Variants in GABRR1 observed in about 807,000 individuals in gnomAD.
GABRR1 encodes the protein gamma-aminobutyric acid receptor subunit rho-1.
In GABRR1, 59 loss-of-function variants were observed where a neutral mutation model predicts 55.5. The ratio of observed to expected loss-of-function variants is 1.06; its 90% CI spans 0.86 to 1.32. The LOEUF is 1.32. Ranked by LOEUF, GABRR1 falls within the 40% of genes most tolerant of loss-of-function variation. The probability of loss-of-function intolerance (pLI) is 0.00; values close to 1 mark genes in which losing one functional copy is unlikely to be tolerated. For synonymous variants in GABRR1, 213 were observed against 226.0 expected (o/e 0.94, Z 0.51); for missense variants, 602 against 619.1 (o/e 0.97, Z 0.29).
chr6:89,203,980 C>T (rs1008567815), intron 1 of GABRR1, among the ~76,000 whole-genome samples: 4 of 152,194 alleles, frequency 2.6e-5, no homozygotes, highest in Admixed American at 6.5e-5. Context: ...CATTCTCTCC[C>T]GGCTTTGATG....
intron 6 of GABRR1, among the ~76,000 whole-genome samples, chr6:89,188,866 C>A (rs1480416220): frequency 6.6e-6 from 1 of 152,024 alleles, no homozygotes. Flanking sequence ...GTGCAAGCTT[C>A]CTGAAATCCC....
At position 89,201,160 on chromosome 6, in the gene GABRR1, T is replaced by C. The variant is rs759517026; in HGVS notation, c.279A>G (p.Gly93=). The C allele has an allele frequency of 1.1e-5, 18 of 1,611,660 alleles. No individual in the cohort carries two copies. Among genetic ancestry groups the C allele is most frequent in the Non-Finnish European group, 1.5e-5 (18 of 1,177,908 alleles). ...ACCCTGAGAGCACACATCCCATACC[T>C]CCAAAGCCAGGCCTCATGCTGAAAT... The part of the protein sequence containing the change: ...DHDFSMRPGF[G]GPAIPVGVDV... Residue 93 remains glycine (G), a splice_region_variant and synonymous_variant, in exon 3 of 10, where the codon GGA becomes GGG. Transcript: ENST00000454853.
chr6:89,212,073 G>C lies in GABRR1; in HGVS notation c.122+5128C>G. On this transcript the variant is annotated intron_variant, in intron 1 of 9. Transcript: ENST00000454853. ...TCTGGGTATCTTGCAAGCACATCTA[G>C]GTCCATATGTTCATACCAAACTCAT... is the stretch of plus-strand genomic sequence containing the variant. 7 of 556,562 alleles carry C rather than the reference G, an allele frequency of 1.3e-5. 2 individuals are homozygous for C. Among genetic ancestry groups the C allele is most frequent in the Non-Finnish European group, 1.5e-5 (7 of 456,278 alleles). The allele number at this position is 556,562 out of a possible 1,614,324, so 34.5% of individuals were successfully genotyped here. A position where few individuals can be genotyped will look rare whatever the true frequency, so the allele number is the denominator to read the frequency against.
upstream of GABRR1, chr6:89,217,911 G>A (rs1773038173): frequency 6.6e-6 from 1 of 152,370 alleles, no homozygotes; most frequent in Non-Finnish European, 1.5e-5. Context: ...CTGGGGAAGA[G>A]GTTTTTTTGT....
At chr6:89,185,209 G>T (rs1771863407) in intron 7 of GABRR1, 101 bp downstream of exon 7, 2 of 1,442,948 alleles carry the variant, frequency 1.4e-6, no homozygotes, top group Non-Finnish European at 1.9e-6. Flanking sequence ...AAGTGACACT[G>T]CTCACCTGAC....
At chr6:89,218,306 A>G (rs1773054834), upstream of GABRR1, among the ~76,000 whole-genome samples, 1 of 152,220 alleles carries the variant, frequency 6.6e-6, no homozygotes, top group African/African-American at 2.4e-5. Context: ...CCCAAGATCC[A>G]ATAGAATGAG....
chr6:89,184,825 C>T (rs1771844401), intron 7 of GABRR1, among the ~76,000 whole-genome samples: 1 of 151,974 alleles, frequency 6.6e-6, no homozygotes, highest in African/African-American at 2.4e-5. Flanking sequence ...ATCACTTCCA[C>T]CCACTGCTTG....
Position 89,178,915 on chromosome 6 carries a change from T to G in GABRR1, c.1295A>C (p.Glu432Ala), listed in dbSNP as rs778199318. ...ACTTTTCCTCTGTGGGGAGCTCCTCTCTGAGGCCAGGGTCAGCTGCACCAT... is the reference window on the plus strand; with the variant it reads ...ACTTTTCCTCTGTGGGGAGCTCCTCGCTGAGGCCAGGGTCAGCTGCACCAT... ...RMMVQLTLAS[E>A]RSSPQRKSQR... The change falls in exon 10 of 10, where the codon GAG (glutamate) becomes GCG (alanine). Residue 432 changes from glutamate (E) to alanine (A), a missense_variant. By Grantham distance (107) the Glu-to-Ala change is moderately radical. Transcript: ENST00000454853. The G allele has an allele frequency of 1.2e-6, 2 of 1,614,114 alleles. No homozygotes were observed. Among genetic ancestry groups the G allele is most frequent in the East Asian group, 4.5e-5 (2 of 44,902 alleles).
At chr6:89,226,024 A>T (rs1044077495) in intron 1 of GABRR1, among the ~76,000 whole-genome samples, 5 of 151,666 alleles carry the variant, frequency 3.3e-5, no homozygotes, top group Non-Finnish European at 5.9e-5. Context: ...AGTGATGATG[A>T]GCATTTTTTC....
intron 5 of GABRR1, among the ~76,000 whole-genome samples, chr6:89,190,893 G>T (rs967461944): frequency 6.6e-6 from 1 of 152,168 alleles, no homozygotes; most frequent in Non-Finnish European, 1.5e-5. Flanking sequence ...TGGGAAAGAG[G>T]CTTCCGCATC....
intron 7 of GABRR1, among the ~76,000 whole-genome samples, chr6:89,184,461 A>G (rs1387965917): frequency 6.6e-6 from 1 of 152,154 alleles, no homozygotes; most frequent in African/African-American, 2.4e-5. Flanking sequence ...CCTTGGTTCA[A>G]AAAGGAACAA....
At position 89,190,994 on chromosome 6, in the gene GABRR1, G is replaced by A. The variant is rs962328485; in HGVS notation, c.573-747C>T. On this transcript the variant is annotated intron_variant, in intron 5 of 9. Coordinates refer to ENST00000454853, the MANE Select transcript of GABRR1 (RefSeq NM_002042.5). ...AGCAGGACACGATTAACATTTGTTC[G>A]CTCGTGCTGAATGGACTCCTTTTCC... Among the ~76,000 whole-genome samples the A allele has an allele frequency of 3.3e-5, 5 of 152,320 alleles. No individual in the cohort carries two copies. The East Asian group carries it at 7.7e-4, about 23-fold the overall frequency.
At position 89,182,037 on chromosome 6, in the gene GABRR1, T is replaced by C; in HGVS notation, c.817A>G (p.Ile273Val). 4 of 1,614,082 alleles carry C rather than the reference T, an allele frequency of 2.5e-6. No homozygotes were observed. Among genetic ancestry groups the C allele is most frequent in the Non-Finnish European group, 3.4e-6 (4 of 1,179,998 alleles). ...ATGTGGCGACGCAACGTGAAATTAA[T>C]GTAGAGACGGTTGTACCAGCCTGGG... is the stretch of plus-strand genomic sequence containing the variant. ...SSTGWYNRLY[I>V]NFTLRRHIFF... Residue 273 changes from isoleucine (I) to valine (V), a missense_variant, in exon 8 of 10, where the codon ATT becomes GTT. Ile to Val is a conservative substitution (Grantham distance 29). Coordinates refer to ENST00000454853, the MANE Select transcript of GABRR1 (RefSeq NM_002042.5).
intron 2 of GABRR1, 93 bp from the exon 3 acceptor site, chr6:89,201,358 T>C: frequency 1.3e-6 from 1 of 791,240 alleles, no homozygotes; most frequent in South Asian, 1.6e-5. Flanking sequence ...ATAGGTGTGA[T>C]GGGGTGTGCT....
rs142448913 is a variant in GABRR1, at chr6:89,183,987, C to T, written c.796+1323G>A. On this transcript the variant is annotated intron_variant, in intron 7 of 9. Transcript: ENST00000454853. ...GGGCGCAGTGGTTCATGCCTGTAAT[C>T]CCAGCACTTCAGGAGGCTGAGGTGG... Among the ~76,000 whole-genome samples, 154 of 152,246 alleles carry T rather than the reference C, an allele frequency of 1.0e-3. 1 individual carries two copies. Among genetic ancestry groups the T allele is most frequent in the African/African-American group, 3.6e-3 (150 of 41,544 alleles).
chr6:89,194,528 T>A (rs1012374833), intron 5 of GABRR1, among the ~76,000 whole-genome samples: 1 of 152,038 alleles, frequency 6.6e-6, no homozygotes, highest in African/African-American at 2.4e-5. Context: ...AATTAGGACC[T>A]CCCCAAAAGG....
At chr6:89,209,113 T>A (rs191566372) in intron 1 of GABRR1, among the ~76,000 whole-genome samples, 64 of 152,190 alleles carry the variant, frequency 4.2e-4, no homozygotes, top group African/African-American at 1.4e-3. Flanking sequence ...TAACTGCTTC[T>A]TAGATAAAAT....
intron 1 of GABRR1, among the ~76,000 whole-genome samples, chr6:89,210,104 A>G (rs1772782480): frequency 6.8e-6 from 1 of 146,888 alleles, no homozygotes; most frequent in Non-Finnish European, 1.5e-5. Context: ...AAGTTTGTGT[A>G]CCCTTTTGGG....
intron 5 of GABRR1, among the ~76,000 whole-genome samples, chr6:89,196,047 A>G (rs1179601820): frequency 6.6e-6 from 1 of 152,260 alleles, no homozygotes; most frequent in African/African-American, 2.4e-5. Flanking sequence ...CTATCATCCA[A>G]TTCAGCAAAG....
Sources: gnomAD v4.1 joint callset for allele counts (sites outside exome capture counted in the v4.1 genomes callset) on GRCh38, gnomAD v4.1.1 for gene constraint, MANE v1.5 for transcripts, NCBI Gene and HGNC (gene_info 2026-07-23, HGNC 2026-07-21) for gene names.